Variants in SLC12A1 observed in about 807,000 individuals in gnomAD.
SLC12A1 encodes solute carrier family 12 member 1.
Under a neutral mutation model 130.4 loss-of-function variants are expected in SLC12A1, and 89 were observed. The ratio of observed to expected loss-of-function variants is 0.68; its 90% confidence interval spans 0.58 to 0.81. SLC12A1 has a LOEUF of 0.81. Among genes scored for constraint, SLC12A1 ranks in the 40% least tolerant of loss-of-function variants. SLC12A1 has a pLI of 0.00. For synonymous variants in SLC12A1, 499 were observed against 460.0 expected (o/e 1.08, Z -1.09); for missense variants, 1,310 against 1,336.4 (o/e 0.98, Z 0.31).
intron 17 of SLC12A1, among the ~76,000 whole-genome samples, chr15:48,260,076 C>T (rs141680347): frequency 9.2e-5 from 14 of 152,012 alleles, no homozygotes; most frequent in South Asian, 2.1e-4. Context: ...GAGACCATGA[C>T]GATCATGGCA....
At chr15:48,299,819 T>C (rs2042213775) in intron 25 of SLC12A1, among the ~76,000 whole-genome samples, 1 of 152,160 alleles carries the variant, frequency 6.6e-6, no homozygotes, top group South Asian at 2.1e-4. Flanking sequence ...CATCTGTGCC[T>C]TCTGTCCTGA....
intron 13 of SLC12A1, among the ~76,000 whole-genome samples, chr15:48,248,862 A>T (rs1317400272): frequency 6.6e-6 from 1 of 152,138 alleles, no homozygotes; most frequent in Non-Finnish European, 1.5e-5. Context: ...CAGCCTGCAT[A>T]GTGAAACCTT....
intron 2 of SLC12A1, among the ~76,000 whole-genome samples, chr15:48,208,583 G>A (rs1048863208): frequency 1.3e-5 from 2 of 152,212 alleles, no homozygotes; most frequent in African/African-American, 4.8e-5. Context: ...AAAGAGATGG[G>A]ATTGCAGGCA....
intron 2 of SLC12A1, among the ~76,000 whole-genome samples, chr15:48,215,241 A>G (rs1448046342): frequency 6.6e-6 from 1 of 152,176 alleles, no homozygotes; most frequent in Non-Finnish European, 1.5e-5. Context: ...TTCATTATCA[A>G]GAACTCATTG....
At chr15:48,295,810 G>A (rs994467643) in intron 24 of SLC12A1, among the ~76,000 whole-genome samples, 9 of 152,144 alleles carry the variant, frequency 5.9e-5, no homozygotes, top group African/African-American at 1.7e-4. Flanking sequence ...CCTCTCTTCA[G>A]CCTCCTACCA....
At chr15:48,302,032 ATT>A (rs1330992029) in intron 26 of SLC12A1, among the ~76,000 whole-genome samples, 1 of 152,152 alleles carries the variant, frequency 6.6e-6, no homozygotes, top group Non-Finnish European at 1.5e-5. Context: ...CATCAAAGAC[ATT>A]GTAGAATGGT....
chr15:48,294,905 T>TTATG (rs2042160285), intron 24 of SLC12A1, among the ~76,000 whole-genome samples: 1 of 150,618 alleles, frequency 6.6e-6, no homozygotes, highest in Non-Finnish European at 1.5e-5. Flanking sequence ...TTTATTTTAT[T>TTATG]TATTTATTTA....
intron 2 of SLC12A1, among the ~76,000 whole-genome samples, chr15:48,216,447 T>G (rs567320826): frequency 7.2e-4 from 110 of 152,228 alleles, no homozygotes; most frequent in African/African-American, 2.6e-3. Flanking sequence ...ACCATTGGAG[T>G]TTATCAGCTA....
intron 11 of SLC12A1, among the ~76,000 whole-genome samples, chr15:48,245,109 A>T (rs2041562628): frequency 1.3e-5 from 2 of 152,242 alleles, no homozygotes; most frequent in African/African-American, 4.8e-5. Context: ...CAGAGACAAT[A>T]GGCAGTGGTA....
At position 48,291,915 on chromosome 15, in the gene SLC12A1, CTCTTT is replaced by C. The variant is rs1597459223; in HGVS notation, c.2960+53_2960+57del. ...TGATTACCCATGGTACTCTCTCATT[CTCTTT>C]TGTGTTGATTATCAAACAGTAAAAA... On this transcript the variant is annotated intron_variant, in intron 24 of 26. Coordinates refer to ENST00000380993, the MANE Select transcript of SLC12A1 (RefSeq NM_000338.3). 5.3e-6 allele frequency: 6 copies of C among 1,135,336 alleles called. No individual in the cohort carries two copies. The East Asian group carries it at 1.5e-4, about 29-fold the overall frequency. The allele number at this position is 1,135,336 out of a possible 1,614,324, so 70.3% of individuals were successfully genotyped here.
intron 10 of SLC12A1, among the ~76,000 whole-genome samples, 155 bp downstream of exon 10, chr15:48,241,754 C>T (rs1292320044): frequency 6.6e-6 from 1 of 152,146 alleles, no homozygotes; most frequent in Non-Finnish European, 1.5e-5. Flanking sequence ...GATGTGGATA[C>T]TTTAGGGATT....
intron 24 of SLC12A1, among the ~76,000 whole-genome samples, chr15:48,298,212 A>G (rs1325736810): frequency 6.6e-6 from 1 of 152,224 alleles, no homozygotes; most frequent in Admixed American, 6.5e-5. Flanking sequence ...AAATTACTAA[A>G]TTATAACTAA....
intron 26 of SLC12A1, among the ~76,000 whole-genome samples, chr15:48,302,003 T>C (rs1195493855): frequency 6.6e-6 from 1 of 152,204 alleles, no homozygotes; most frequent in Non-Finnish European, 1.5e-5. Context: ...CTTCACGTAG[T>C]GTAGACTGGA....
At chr15:48,275,169 A>G (rs560676996) in intron 20 of SLC12A1, among the ~76,000 whole-genome samples, 4 of 152,316 alleles carry the variant, frequency 2.6e-5, no homozygotes, top group Non-Finnish European at 4.4e-5. Context: ...AATTTGGTAT[A>G]TTTGCTTAGT....
In SLC12A1 at chr15:48,302,946, A is replaced by T. The variant is rs1475110070; in HGVS notation, c.*61A>T. On this transcript the variant is annotated 3_prime_UTR_variant, in exon 27 of 27. Coordinates refer to ENST00000380993, the MANE Select transcript of SLC12A1 (RefSeq NM_000338.3). Reference sequence around the variant, plus strand: ...AATGCATAATTAAGAAACATGTTCCAGTACTTTATGTTGTAAATCTGATCT... The same window carrying T: ...AATGCATAATTAAGAAACATGTTCCTGTACTTTATGTTGTAAATCTGATCT... The T allele has an allele frequency of 4.6e-6, 6 of 1,301,964 alleles. No individual in the cohort carries two copies. The African/African-American group carries it at 5.8e-5, about 13-fold the overall frequency. The allele number at this position is 1,301,964 out of a possible 1,614,324, so 80.7% of individuals were successfully genotyped here.
At chr15:48,270,583 C>T (rs2041882202) in intron 19 of SLC12A1, among the ~76,000 whole-genome samples, 1 of 145,710 alleles carries the variant, frequency 6.9e-6, no homozygotes, top group Admixed American at 7.1e-5. Context: ...ATATTATATA[C>T]TCCAAAACAA....
Position 48,247,406 on chromosome 15 carries a change from C to T in SLC12A1, c.1630C>T (p.Pro544Ser). The change falls in exon 13 of 27, where the codon CCC (proline) becomes TCC (serine). Residue 544 changes from proline (P) to serine (S), a missense_variant. Pro to Ser is a moderately conservative substitution (Grantham distance 74). Transcript: ENST00000380993. The stretch of plus-strand genomic sequence containing the variant: ...AAAGGGATATGGGAAAAACAATGAA[C>T]CCCTGAGAGGATATATTCTCACTTT... ...FAKGYGKNNEPLRGYILTFLI... is the reference protein window; with the variant it reads ...FAKGYGKNNESLRGYILTFLI... 1.2e-6 allele frequency: 2 copies of T among 1,610,200 alleles called. No individual in the cohort carries two copies. Among genetic ancestry groups the T allele is most frequent in the Non-Finnish European group, 1.7e-6 (2 of 1,176,554 alleles).
At chr15:48,240,493 T>C (rs2041503832) in intron 9 of SLC12A1, among the ~76,000 whole-genome samples, 1 of 152,188 alleles carries the variant, frequency 6.6e-6, no homozygotes, top group South Asian at 2.1e-4. Flanking sequence ...CTTGATTCAG[T>C]TGTGACTTCC....
intron 7 of SLC12A1, among the ~76,000 whole-genome samples, 194 bp from the exon 8 acceptor site, chr15:48,232,533 T>C (rs2041393457): frequency 6.6e-6 from 1 of 152,218 alleles, no homozygotes; most frequent in South Asian, 2.1e-4. Flanking sequence ...AAATGTGGCA[T>C]ATACATCCAA....
Sources: gnomAD v4.1 joint callset for allele counts (sites outside exome capture counted in the v4.1 genomes callset) on GRCh38, gnomAD v4.1.1 for gene constraint, MANE v1.5 for transcripts, NCBI Gene and HGNC (gene_info 2026-07-23, HGNC 2026-07-21) for gene names.